The following SPATS2L variants were observed in gnomAD, a reference collection of about 807,000 sequenced individuals.
SPATS2L encodes the protein spermatogenesis associated serine rich 2 like.
Under a neutral mutation model 59.6 loss-of-function variants are expected in SPATS2L, and 30 were observed. The ratio of observed to expected loss-of-function variants is 0.50; its 90% CI spans 0.38 to 0.68. The LOEUF (loss-of-function observed/expected upper bound fraction) is 0.68. SPATS2L is among the 30% of genes least tolerant of loss of function. SPATS2L has a pLI of 0.00. For synonymous variants in SPATS2L, 252 were observed against 263.5 expected, an observed-to-expected ratio of 0.96 and a Z score of 0.42; for missense variants, 615 against 700.0, an observed-to-expected ratio of 0.88 and a Z score of 1.37.
At chr2:200,357,878 T>C (rs1408204584) in intron 2 of SPATS2L, among the ~76,000 whole-genome samples, 2 of 152,180 alleles carry the variant, frequency 1.3e-5, no homozygotes, top group African/African-American at 4.8e-5. Flanking sequence ...CTTTGAGAGA[T>C]ATCAAAGATG....
At position 200,459,818 on chromosome 2, in the gene SPATS2L, G is replaced by A; in HGVS notation, c.838G>A (p.Glu280Lys). 1 of 1,610,960 alleles carries A rather than the reference G, an allele frequency of 6.2e-7. No individual in the cohort carries two copies. The highest frequency in any genetic ancestry group is 8.5e-7 in the Non-Finnish European group (1 of 1,177,864). Residue 280 changes from glutamate (E) to lysine (K), a missense_variant, in exon 9 of 13, where the codon GAA becomes AAA. Glu to Lys is a moderately conservative substitution (Grantham distance 56). This residue lies in a region of SPATS2L where 104 missense variants were observed against 162.5 expected (regional missense o/e 0.64). Coordinates refer to ENST00000409140, the MANE Select transcript of SPATS2L (RefSeq NM_001100423.2). ...AATGGCAGAAATGGATAAAGTTAAAGAAGAAGCCAGTAAGTAGACAACACA... is the reference window on the plus strand; with the variant it reads ...AATGGCAGAAATGGATAAAGTTAAAAAAGAAGCCAGTAAGTAGACAACACA... ...SLMAEMDKVK[E>K]EAMEILTARQ...
chr2:200,409,663 T>C (rs2082807822), intron 3 of SPATS2L, among the ~76,000 whole-genome samples: 1 of 152,136 alleles, frequency 6.6e-6, no homozygotes, highest in South Asian at 2.1e-4. Context: ...CAGAAACTAT[T>C]TTTTTCCCCT....
intron 3 of SPATS2L, among the ~76,000 whole-genome samples, chr2:200,396,966 C>CTGTT (rs2082374879): frequency 6.6e-6 from 1 of 152,228 alleles, no homozygotes; most frequent in Non-Finnish European, 1.5e-5. Flanking sequence ...ACTGCTGTTA[C>CTGTT]TGTTGCTTGG....
chr2:200,354,363 C>A (rs1042025706), intron 2 of SPATS2L, among the ~76,000 whole-genome samples: 1 of 152,156 alleles, frequency 6.6e-6, no homozygotes, highest in Non-Finnish European at 1.5e-5. Flanking sequence ...AATCCCAGCA[C>A]TTTGGAAGAC....
At chr2:200,473,890 C>T (rs2087282252) in intron 12 of SPATS2L, among the ~76,000 whole-genome samples, 1 of 151,862 alleles carries the variant, frequency 6.6e-6, no homozygotes, top group Non-Finnish European at 1.5e-5. Context: ...ATCCCAGTTA[C>T]TCGGGAGGCT....
upstream of SPATS2L, chr2:200,306,520 G>A (rs963430091): frequency 9.0e-6 from 9 of 1,002,324 alleles, no homozygotes; most frequent in African/African-American, 7.0e-5. Context: ...GCGTGTGAGC[G>A]GATACAAAAC....
intron 6 of SPATS2L, among the ~76,000 whole-genome samples, chr2:200,425,665 C>A (rs2083527628): frequency 6.6e-6 from 1 of 152,112 alleles, no homozygotes; most frequent in African/African-American, 2.4e-5. Context: ...ATTCATTTAT[C>A]CATTGAGTAA....
At chr2:200,448,560 A>G (rs1245391887) in intron 8 of SPATS2L, among the ~76,000 whole-genome samples, 2 of 152,270 alleles carry the variant, frequency 1.3e-5, no homozygotes, top group African/African-American at 4.8e-5. Flanking sequence ...TTGTTTTAAA[A>G]GACATTTAAT....
intron 12 of SPATS2L, among the ~76,000 whole-genome samples, chr2:200,476,817 T>C (rs2087557584): frequency 6.6e-6 from 1 of 152,236 alleles, no homozygotes; most frequent in Non-Finnish European, 1.5e-5. Flanking sequence ...TCCTGAGCTC[T>C]TGTCCAGCAT....
intron 3 of SPATS2L, among the ~76,000 whole-genome samples, chr2:200,407,409 C>G (rs935576452): frequency 5.9e-5 from 9 of 152,176 alleles, no homozygotes; most frequent in African/African-American, 1.4e-4. Context: ...CACCACAGTA[C>G]CCTGTTCATA....
At chr2:200,467,217 G>A in intron 9 of SPATS2L, 73 bp from the exon 10 acceptor site, 1 of 1,061,776 alleles carries the variant, frequency 9.4e-7, no homozygotes, top group Non-Finnish European at 1.4e-6. Flanking sequence ...AGTGAGAACT[G>A]ATTCCAAGAA....
At chr2:200,415,907 T>C (rs1171812911) in intron 4 of SPATS2L, among the ~76,000 whole-genome samples, 2 of 152,098 alleles carry the variant, frequency 1.3e-5, no homozygotes, top group East Asian at 3.9e-4. Context: ...CTCATCCCCC[T>C]GCAAGATGTG....
At chr2:200,306,044 G>A (rs982991108), upstream of SPATS2L, 2 of 985,204 alleles carry the variant, frequency 2.0e-6, no homozygotes, top group Admixed American at 6.2e-5. Context: ...TTACACACAC[G>A]TTTGGAGCCC....
intron 6 of SPATS2L, among the ~76,000 whole-genome samples, chr2:200,427,340 A>G (rs747668753): frequency 1.2e-4 from 18 of 151,942 alleles, no homozygotes; most frequent in Non-Finnish European, 2.5e-4. Context: ...CCTACTATGT[A>G]CCCACAAAAA....
chr2:200,410,409 C>CAA (rs778491087), intron 3 of SPATS2L, among the ~76,000 whole-genome samples: 39 of 32,984 alleles, frequency 1.2e-3, no homozygotes, highest in Non-Finnish European at 6.3e-3. Flanking sequence ...CAAAACAAAA[C>CAA]AACAAAAAAA....
At chr2:200,330,850 C>A (rs1574414052) in intron 2 of SPATS2L, among the ~76,000 whole-genome samples, 1 of 152,314 alleles carries the variant, frequency 6.6e-6, no homozygotes, top group South Asian at 2.1e-4. Flanking sequence ...TTTTACCCTG[C>A]AAAAGATTAC....
intron 12 of SPATS2L, among the ~76,000 whole-genome samples, chr2:200,473,326 C>T (rs559350960): frequency 6.6e-6 from 1 of 152,152 alleles, no homozygotes; most frequent in Non-Finnish European, 1.5e-5. Context: ...ACCCCAGTGA[C>T]ACAGTTCTTC....
At chr2:200,417,977 A>G (rs539347101) in intron 5 of SPATS2L, among the ~76,000 whole-genome samples, 2 of 152,288 alleles carry the variant, frequency 1.3e-5, no homozygotes, top group South Asian at 4.1e-4. Flanking sequence ...ACATCAAGTC[A>G]AACATATAAC....
chr2:200,416,579 T>C (rs900075536), intron 5 of SPATS2L, among the ~76,000 whole-genome samples, 151 bp downstream of exon 5: 1 of 152,172 alleles, frequency 6.6e-6, no homozygotes, highest in Non-Finnish European at 1.5e-5. Context: ...TCTCGGAAAT[T>C]AGCAGATACT....
Sources: gnomAD v4.1 joint callset for allele counts (sites outside exome capture counted in the v4.1 genomes callset) on GRCh38, gnomAD v4.1.1 for gene constraint, gnomAD v4.1.1 regional missense constraint, MANE v1.5 for transcripts, NCBI Gene and HGNC (gene_info 2026-07-23, HGNC 2026-07-21) for gene names.